Variants in RALGAPA2 observed in about 807,000 individuals in gnomAD.
RALGAPA2 encodes the protein Ral GTPase activating protein catalytic subunit alpha 2, also known as ral GTPase-activating protein subunit alpha-2.
In RALGAPA2, 139 loss-of-function variants were observed where a neutral mutation model predicts 230.4. That is an observed-to-expected ratio of 0.60 (90% CI 0.53 to 0.69). The LOEUF (loss-of-function observed/expected upper bound fraction) is 0.69. RALGAPA2 is among the 30% of genes least tolerant of loss of function. RALGAPA2 has a pLI of 0.00. For synonymous variants in RALGAPA2, 847 were observed against 837.8 expected (o/e 1.01, Z -0.19); for missense variants, 2,163 against 2,276.0 (o/e 0.95, Z 1.01).
chr20:20,439,605 G>A (rs993771914), intron 37 of RALGAPA2, among the ~76,000 whole-genome samples: 7 of 152,138 alleles, frequency 4.6e-5, no homozygotes, highest in African/African-American at 1.2e-4. Flanking sequence ...GATAGATACC[G>A]ATCCTGGGGG....
intron 39 of RALGAPA2, 70 bp downstream of exon 39, chr20:20,396,625 C>G (rs994864482): frequency 2.7e-5 from 39 of 1,419,826 alleles, no homozygotes; most frequent in Non-Finnish European, 1.9e-5. Context: ...CGAGGGCAGC[C>G]GATTAGAAAA....
chr20:20,643,477 A>C, intron 5 of RALGAPA2, 29 bp downstream of exon 5: 2 of 1,456,638 alleles, frequency 1.4e-6, no homozygotes, highest in South Asian at 2.6e-5. Flanking sequence ...AGAGTAATAA[A>C]AAATGTCATT....
intron 37 of RALGAPA2, among the ~76,000 whole-genome samples, chr20:20,413,960 T>C (rs181225587): frequency 2.6e-4 from 40 of 152,372 alleles, no homozygotes; most frequent in African/African-American, 8.7e-4. Flanking sequence ...CGTCTCATTA[T>C]GAACACACTT....
chr20:20,400,152 G>A (rs2059802127), intron 38 of RALGAPA2, among the ~76,000 whole-genome samples: 1 of 152,146 alleles, frequency 6.6e-6, no homozygotes. Context: ...CAGTGGATGG[G>A]GTAAGCCCAC....
intron 3 of RALGAPA2, 96 bp downstream of exon 3, chr20:20,676,140 C>T (rs1168962939): frequency 3.7e-6 from 3 of 814,690 alleles, no homozygotes; most frequent in African/African-American, 3.6e-5. Context: ...TGTCCACCAA[C>T]AGCCATTTTT....
chr20:20,483,199 G>C (rs931242964), intron 36 of RALGAPA2, among the ~76,000 whole-genome samples: 1 of 152,156 alleles, frequency 6.6e-6, no homozygotes, highest in East Asian at 1.9e-4. Context: ...GTTTTTATAC[G>C]TGGAGAGAAA....
rs552233148 is a variant in RALGAPA2 at position 20,586,044 on chromosome 20, A to G, written c.2440-1089T>C. On this transcript the variant is annotated intron_variant, in intron 18 of 39. Coordinates refer to ENST00000202677, the MANE Select transcript of RALGAPA2 (RefSeq NM_020343.4). The stretch of plus-strand genomic sequence containing the variant: ...ACACAGCCTTAAAGAAGAATGATAC[A>G]TATCTAATGTGCTAAGAGGAAATAT... 7.2e-5 allele frequency among the ~76,000 whole-genome samples: 11 copies of G among 152,362 alleles called. No individual in the cohort carries two copies. The South Asian group carries it at 2.3e-3, about 32-fold the overall frequency.
At chr20:20,540,457 C>T (rs935844949) in intron 24 of RALGAPA2, among the ~76,000 whole-genome samples, 17 of 152,108 alleles carry the variant, frequency 1.1e-4, no homozygotes, top group African/African-American at 3.9e-4. Flanking sequence ...AATTCGATAC[C>T]GTCAGAAAGC....
intron 37 of RALGAPA2, among the ~76,000 whole-genome samples, chr20:20,444,373 C>T (rs895240815): frequency 4.6e-5 from 7 of 152,332 alleles, no homozygotes; most frequent in Non-Finnish European, 8.8e-5. Flanking sequence ...CTCCTACACC[C>T]TAGCACATCA....
intron 1 of RALGAPA2, among the ~76,000 whole-genome samples, chr20:20,706,888 T>C (rs1489410132): frequency 1.3e-5 from 2 of 152,200 alleles, no homozygotes; most frequent in Non-Finnish European, 2.9e-5. Context: ...CAGCTGGGGA[T>C]AGGAACACTT....
intron 34 of RALGAPA2, among the ~76,000 whole-genome samples, chr20:20,504,222 A>G (rs1284785650): frequency 2.0e-5 from 3 of 152,240 alleles, no homozygotes. Context: ...TAACAACTAT[A>G]TTCTATGACA....
In RALGAPA2 at chr20:20,637,359, T is replaced by C. The variant is rs775793335; in HGVS notation, c.805+4A>G. On this transcript the variant is annotated splice_donor_region_variant and intron_variant, in intron 8 of 39. Coordinates refer to ENST00000202677, the MANE Select transcript of RALGAPA2 (RefSeq NM_020343.4). ...CCTCTATACACGGCTCCAACAGTAC[T>C]TACCAAGTACAGGTTTGTAGATGTT... 6.3e-7 allele frequency: 1 copy of C among 1,596,358 alleles called. No homozygotes were observed. Among genetic ancestry groups the C allele is most frequent in the Non-Finnish European group, 8.5e-7 (1 of 1,170,086 alleles).
chr20:20,438,379 T>C (rs967175031), intron 37 of RALGAPA2, among the ~76,000 whole-genome samples: 2 of 152,246 alleles, frequency 1.3e-5, no homozygotes, highest in Non-Finnish European at 2.9e-5. Flanking sequence ...CATTTCACTA[T>C]AACTGATGTA....
chr20:20,661,174 T>C (rs965023825), intron 3 of RALGAPA2, among the ~76,000 whole-genome samples: 4 of 152,212 alleles, frequency 2.6e-5, no homozygotes, highest in Admixed American at 2.0e-4. Context: ...TTTATTTTTT[T>C]TTGAGACAGA....
chr20:20,397,504 G>A (rs1303014680), intron 38 of RALGAPA2, among the ~76,000 whole-genome samples: 4 of 143,098 alleles, frequency 2.8e-5, no homozygotes, highest in African/African-American at 7.4e-5. Context: ...CTCTTTCTGC[G>A]TCAGGCAGTA....
At chr20:20,396,154 C>T (rs781636471) in intron 39 of RALGAPA2, among the ~76,000 whole-genome samples, 1 of 152,212 alleles carries the variant, frequency 6.6e-6, no homozygotes, top group Non-Finnish European at 1.5e-5. Flanking sequence ...GGTCCTAGAC[C>T]GCAGCCCATT....
intron 37 of RALGAPA2, among the ~76,000 whole-genome samples, chr20:20,465,195 A>ACACACACACACACACG (rs2061392315): frequency 6.8e-6 from 1 of 146,164 alleles, no homozygotes; most frequent in Non-Finnish European, 1.5e-5. Context: ...ACACACACAC[A>ACACACACACACACACG]CACTCTCTCA....
intron 20 of RALGAPA2, among the ~76,000 whole-genome samples, chr20:20,582,128 T>C (rs2065003446): frequency 2.0e-5 from 3 of 151,740 alleles, no homozygotes; most frequent in Non-Finnish European, 1.5e-5. Context: ...TGAGGGAAAC[T>C]GACCTTTGAG....
At chr20:20,535,947 G>A in intron 25 of RALGAPA2, 144 bp from the exon 26 acceptor site, 2 of 1,328,722 alleles carry the variant, frequency 1.5e-6, no homozygotes, top group Non-Finnish European at 2.0e-6. Flanking sequence ...AGCCTGGGGG[G>A]AAGAAGAACA....
Sources: allele counts gnomAD v4.1 joint callset (sites outside exome capture counted in the v4.1 genomes callset), GRCh38; gene constraint gnomAD v4.1.1; transcripts MANE v1.5; gene names NCBI Gene and HGNC (gene_info 2026-07-23, HGNC 2026-07-21).